The following LRRIQ3 variants were observed in gnomAD, a reference collection of about 807,000 sequenced individuals.
The protein encoded by LRRIQ3 is leucine-rich repeat and IQ domain-containing protein 3.
A neutral mutation model predicts 59.3 loss-of-function variants in LRRIQ3; 75 were observed. That is an observed-to-expected ratio of 1.26 (90% CI 1.05 to 1.53). The LOEUF is 1.53. LRRIQ3 is among the 40% of genes most tolerant of loss of function. The pLI is 0.00. For synonymous variants in LRRIQ3, 250 were observed against 231.3 expected (o/e 1.08, Z -0.73); for missense variants, 831 against 710.0 (o/e 1.17, Z -1.94).
chr1:74,172,090 C>T (rs529013825), intron 3 of LRRIQ3, among the ~76,000 whole-genome samples: 23 of 151,966 alleles, frequency 1.5e-4, no homozygotes, highest in African/African-American at 5.3e-4. Flanking sequence ...TTTGCTATTC[C>T]GTATTTCATT....
At chr1:74,140,528 A>G (rs1164898311) in intron 4 of LRRIQ3, among the ~76,000 whole-genome samples, 1 of 151,894 alleles carries the variant, frequency 6.6e-6, no homozygotes, top group African/African-American at 2.4e-5. Flanking sequence ...TCCCAAAATT[A>G]ATAAGGAATA....
chr1:74,172,826 T>C (rs1265432679), intron 3 of LRRIQ3, among the ~76,000 whole-genome samples: 1 of 152,202 alleles, frequency 6.6e-6, no homozygotes, highest in Non-Finnish European at 1.5e-5. Context: ...TGACCTCCTT[T>C]GTCTTTTGTA....
chr1:74,170,515 T>C (rs951085703), intron 3 of LRRIQ3, among the ~76,000 whole-genome samples: 1 of 152,172 alleles, frequency 6.6e-6, no homozygotes, highest in Non-Finnish European at 1.5e-5. Flanking sequence ...TTCCGTTCTA[T>C]TGTTCTATAT....
intron 4 of LRRIQ3, among the ~76,000 whole-genome samples, chr1:74,113,302 A>G (rs1343024780): frequency 6.6e-6 from 1 of 152,098 alleles, no homozygotes; most frequent in Admixed American, 6.6e-5. Flanking sequence ...TAAGTCCACC[A>G]GTACAAATAA....
At chr1:74,155,590 T>G in intron 4 of LRRIQ3, 143 bp downstream of exon 4, 1 of 583,146 alleles carries the variant, frequency 1.7e-6, no homozygotes, top group Middle Eastern at 4.9e-4. Flanking sequence ...CTGTGGTATT[T>G]TTCTTAAAGT....
Position 74,026,845 on chromosome 1 carries a change from C to T in LRRIQ3, c.1843G>A (p.Asp615Asn), listed in dbSNP as rs199646124. The T allele has an allele frequency of 3.7e-6, 6 of 1,607,922 alleles. No homozygotes were observed. The highest frequency in any genetic ancestry group is 2.2e-5 in the East Asian group (1 of 44,600). Reference sequence around the variant, plus strand: ...ATCAGTCCATTGGGAACTTTAAAGTCTAAATTTGTTTTCACAATTGCTACT... The same window carrying T: ...ATCAGTCCATTGGGAACTTTAAAGTTTAAATTTGTTTTCACAATTGCTACT... ...TKVAIVKTNLDFKVPNGLIK is the reference protein window; with the variant it reads ...TKVAIVKTNLNFKVPNGLIK Residue 615 changes from aspartate to asparagine, a missense_variant, in exon 8 of 8, where the codon GAC becomes AAC. Physicochemically the swap from Asp to Asn is conservative, Grantham distance 23. Transcript: ENST00000354431.
intron 6 of LRRIQ3, among the ~76,000 whole-genome samples, chr1:74,066,771 T>G (rs1370631474): frequency 6.6e-6 from 1 of 152,142 alleles, no homozygotes; most frequent in Non-Finnish European, 1.5e-5. Context: ...AGACAAAACC[T>G]AAAATCATAA....
intron 3 of LRRIQ3, among the ~76,000 whole-genome samples, chr1:74,169,622 G>T (rs1244703836): frequency 1.3e-5 from 2 of 151,964 alleles, no homozygotes; most frequent in Admixed American, 6.6e-5. Flanking sequence ...CAAAATTGTA[G>T]CTCATTGCAG....
At position 74,183,068 on chromosome 1, in the gene LRRIQ3, G is replaced by T. The variant is rs756745677; in HGVS notation, c.250-207C>A. On this transcript the variant is annotated intron_variant, in intron 2 of 7. Transcript: ENST00000354431. ...TATCTGAGATAATTTATTATTATTC[G>T]CATAGTAAAATGCATAACCATACTT... 7.6e-5 allele frequency: 28 copies of T among 366,990 alleles called. No individual in the cohort carries two copies. The East Asian group carries it at 1.1e-3, about 15-fold the overall frequency. 22.7% of individuals were successfully genotyped at this position (366,990 alleles called of 1,614,324 possible). A position where few individuals can be genotyped will look rare whatever the true frequency, so the allele number is the denominator to read the frequency against.
chr1:74,189,602 T>A (rs1650626909), intron 1 of LRRIQ3, among the ~76,000 whole-genome samples: 1 of 152,160 alleles, frequency 6.6e-6, no homozygotes, highest in Non-Finnish European at 1.5e-5. Flanking sequence ...GTAGCTCCCA[T>A]AATTTCCACT....
At chr1:74,110,020 A>G (rs1445249289) in intron 4 of LRRIQ3, among the ~76,000 whole-genome samples, 2 of 151,836 alleles carry the variant, frequency 1.3e-5, no homozygotes, top group Non-Finnish European at 2.9e-5. Flanking sequence ...ACATAATATA[A>G]GCCAGAAATA....
chr1:74,133,183 A>C (rs1296093728), intron 4 of LRRIQ3, among the ~76,000 whole-genome samples: 1 of 152,138 alleles, frequency 6.6e-6, no homozygotes, highest in African/African-American at 2.4e-5. Context: ...CACCAGTTAG[A>C]ATGGCAATCA....
intron 6 of LRRIQ3, among the ~76,000 whole-genome samples, chr1:74,064,200 A>G (rs537426182): frequency 5.9e-4 from 89 of 152,046 alleles, no homozygotes; most frequent in African/African-American, 2.1e-3. Context: ...AGTGGAGAGC[A>G]AGTATATATA....
intron 5 of LRRIQ3, among the ~76,000 whole-genome samples, chr1:74,087,003 T>C (rs1362875373): frequency 2.0e-5 from 3 of 152,138 alleles, no homozygotes; most frequent in African/African-American, 7.2e-5. Flanking sequence ...CATATCTTAA[T>C]TACAATTAAA....
chr1:74,165,409 T>C (rs535018902), intron 3 of LRRIQ3, among the ~76,000 whole-genome samples: 1 of 151,750 alleles, frequency 6.6e-6, no homozygotes, highest in South Asian at 2.1e-4. Context: ...TGCTAGTATA[T>C]AGAAATATAA....
intron 6 of LRRIQ3, among the ~76,000 whole-genome samples, chr1:74,054,875 A>G (rs146771167): frequency 0.012 from 1,809 of 147,658 alleles, 21 homozygotes; most frequent in Non-Finnish European, 0.02. Context: ...AATTATAAAT[A>G]TAATTTAAAA....
At chr1:74,139,868 T>C (rs1480209519) in intron 4 of LRRIQ3, among the ~76,000 whole-genome samples, 2 of 151,932 alleles carry the variant, frequency 1.3e-5, no homozygotes, top group Non-Finnish European at 2.9e-5. Flanking sequence ...TAAATGAAGA[T>C]ATATTAAAGT....
At chr1:74,125,094 A>G (rs538279508) in intron 4 of LRRIQ3, among the ~76,000 whole-genome samples, 116 of 151,954 alleles carry the variant, frequency 7.6e-4, no homozygotes, top group African/African-American at 2.6e-3. Flanking sequence ...GTTAATTCCT[A>G]GGTATCTAAT....
At chr1:74,171,749 T>A (rs1649334668) in intron 3 of LRRIQ3, among the ~76,000 whole-genome samples, 1 of 152,210 alleles carries the variant, frequency 6.6e-6, no homozygotes, top group Non-Finnish European at 1.5e-5. Context: ...TAAAGCCATC[T>A]GACCCTGGAC....
Sources: allele counts gnomAD v4.1 joint callset (sites outside exome capture counted in the v4.1 genomes callset), GRCh38; gene constraint gnomAD v4.1.1; transcripts MANE v1.5; gene names NCBI Gene and HGNC (gene_info 2026-07-23, HGNC 2026-07-21).